PHYKPL: variants seen among roughly 807,000 people sequenced by gnomAD.
PHYKPL encodes 5-phosphohydroxy-L-lysine phospho-lyase.
A neutral mutation model predicts 51.3 loss-of-function variants in PHYKPL; 42 were observed. The ratio of observed to expected loss-of-function variants is 0.82; its 90% CI spans 0.64 to 1.06. PHYKPL has a LOEUF of 1.06. PHYKPL is among the 50% of genes least tolerant of loss of function. The pLI, the probability that PHYKPL is intolerant of heterozygous loss-of-function variation, is 0.00. For synonymous variants in PHYKPL, 264 were observed against 236.0 expected (o/e 1.12, Z -1.09); for missense variants, 655 against 586.6 (o/e 1.12, Z -1.20).
At chr5:178,214,314 C>CT (rs1285157469) in intron 10 of PHYKPL, among the ~76,000 whole-genome samples, 1 of 152,104 alleles carries the variant, frequency 6.6e-6, no homozygotes, top group Non-Finnish European at 1.5e-5. Context: ...CCGGTGGAGT[C>CT]TGAGTTCTGA....
chr5:178,210,731 A>ATGT, intron 12 of PHYKPL: 1 of 812,370 alleles, frequency 1.2e-6, no homozygotes, highest in Non-Finnish European at 2.1e-6. Context: ...TGCCTGTCCC[A>ATGT]TGTGCATCTT....
intron 10 of PHYKPL, among the ~76,000 whole-genome samples, chr5:178,213,505 C>T (rs914683319): frequency 5.6e-5 from 8 of 141,668 alleles, no homozygotes; most frequent in Non-Finnish European, 5.9e-5. Flanking sequence ...ATGAGCTCCA[C>T]GTGCCCCTCA....
chr5:178,214,863 C>T lies in PHYKPL; in HGVS notation c.1105G>A (p.Val369Met), dbSNP rs762330994. Residue 369 changes from valine to methionine, a missense_variant, in exon 10 of 13, where the codon GTG becomes ATG. Val to Met is a conservative substitution (Grantham distance 21). Transcript: ENST00000308158. ...DVRGVGLFIGVDLIKDEATRT... is the reference protein window; with the variant it reads ...DVRGVGLFIGMDLIKDEATRT... Reference sequence around the variant, plus strand: ...GTGGCCTCATCTTTGATCAGATCCACACCAATGAAGAGCCCAACACCCCTG... The same window carrying T: ...GTGGCCTCATCTTTGATCAGATCCATACCAATGAAGAGCCCAACACCCCTG... The T allele has an allele frequency of 1.4e-5, 23 of 1,613,650 alleles. No individual in the cohort carries two copies. Among genetic ancestry groups the T allele is most frequent in the South Asian group, 3.3e-5 (3 of 91,054 alleles).
chr5:178,223,037 T>C, intron 6 of PHYKPL, 103 bp from the exon 7 acceptor site: 2 of 1,088,646 alleles, frequency 1.8e-6, no homozygotes, highest in South Asian at 1.4e-5. Context: ...CAAGTCACCA[T>C]CAGTGCTGCA....
At chr5:178,210,441 A>G in intron 12 of PHYKPL, 3 of 1,505,954 alleles carry the variant, frequency 2.0e-6, no homozygotes, top group Non-Finnish European at 2.7e-6. Flanking sequence ...AACATGAGGA[A>G]GGCAGTCTCT....
At chr5:178,229,828 G>T (rs1763020393) in intron 3 of PHYKPL, 112 bp downstream of exon 3, 2 of 1,372,972 alleles carry the variant, frequency 1.5e-6, no homozygotes, top group Non-Finnish European at 2.0e-6. Flanking sequence ...GTGCAGTGGG[G>T]GCTGCCTCTC....
At chr5:178,220,409 T>G (rs1488862293) in intron 8 of PHYKPL, among the ~76,000 whole-genome samples, 1 of 149,910 alleles carries the variant, frequency 6.7e-6, no homozygotes, top group African/African-American at 2.5e-5. Flanking sequence ...GCAGGAGAGT[T>G]GCTTGAACCC....
At chr5:178,217,307 G>A (rs1221628251) in intron 8 of PHYKPL, among the ~76,000 whole-genome samples, 3 of 150,386 alleles carry the variant, frequency 2.0e-5, no homozygotes, top group African/African-American at 2.5e-5. Flanking sequence ...TGCAGCTGCC[G>A]CCTCCCAGGT....
In PHYKPL at chr5:178,218,216, CA is replaced by C. The variant is rs777929826; in HGVS notation, c.928-2787del. 3.7e-3 allele frequency among the ~76,000 whole-genome samples: 214 copies of C among 58,286 alleles called. 2 individuals are homozygous for C. In the East Asian group the frequency reaches 0.068, roughly 19 times the overall value. 38.2% of individuals were successfully genotyped at this position (58,286 alleles called of 152,430 possible). ...TGGGTGACAGAGCGAAACTCCGTCT[CA>C]AAAAAAAAAAAAAAAAAAAAAGAAA... On this transcript the variant is annotated intron_variant, in intron 8 of 12. Transcript: ENST00000308158.
intron 1 of PHYKPL, 65 bp downstream of exon 1, chr5:178,232,427 T>G (rs905222720): frequency 5.9e-6 from 8 of 1,365,496 alleles, no homozygotes; most frequent in Non-Finnish European, 7.5e-6. Context: ...CGTGCGTGCG[T>G]CGTGCGTGCG....
intron 12 of PHYKPL, chr5:178,209,542 G>A: frequency 2.8e-6 from 3 of 1,061,104 alleles, no homozygotes; most frequent in Non-Finnish European, 4.3e-6. Flanking sequence ...TGTGCAGCAG[G>A]GGTGGGCAGA....
chr5:178,228,931 C>T (rs2913865), intron 3 of PHYKPL, among the ~76,000 whole-genome samples: 18,597 of 152,042 alleles, frequency 0.12, 1,151 homozygotes, highest in Middle Eastern at 0.21. Flanking sequence ...GCGGAGAAGG[C>T]CCTAGGTGAT....
At position 178,230,146 on chromosome 5, in the gene PHYKPL, T is replaced by G. The variant is rs765473867; in HGVS notation, c.179-47A>C. On this transcript the variant is annotated intron_variant, in intron 2 of 12. Coordinates refer to ENST00000308158, the MANE Select transcript of PHYKPL (RefSeq NM_153373.4). ...CACACGGCTGGCTCCACTCAGCCAGTCCCACTGGGCCTCCCCCAGCCCCAA... is the reference window on the plus strand; with the variant it reads ...CACACGGCTGGCTCCACTCAGCCAGGCCCACTGGGCCTCCCCCAGCCCCAA... The G allele has an allele frequency of 6.2e-6, 10 of 1,606,804 alleles. No individual in the cohort carries two copies. The East Asian group carries it at 1.6e-4, about 25-fold the overall frequency.
intron 6 of PHYKPL, 97 bp downstream of exon 6, chr5:178,224,351 G>T (rs998244697): frequency 2.3e-6 from 3 of 1,299,608 alleles, no homozygotes; most frequent in Non-Finnish European, 3.2e-6. Context: ...GGCCTCGTTT[G>T]GTTTTCTCTC....
At chr5:178,214,000 C>T (rs996129931) in intron 10 of PHYKPL, among the ~76,000 whole-genome samples, 6 of 152,168 alleles carry the variant, frequency 3.9e-5, no homozygotes, top group Admixed American at 1.3e-4. Flanking sequence ...CTGACCATTC[C>T]GAATCCCTGA....
intron 3 of PHYKPL, chr5:178,228,347 C>T (rs770281014): frequency 5.7e-5 from 33 of 582,250 alleles, no homozygotes; most frequent in Admixed American, 2.4e-4. Context: ...AGACCACTTC[C>T]GGAGAGTGGT....
intron 12 of PHYKPL, 31 bp from the exon 13 acceptor site, chr5:178,208,946 T>G: frequency 5.9e-6 from 1 of 169,164 alleles, no homozygotes; most frequent in Non-Finnish European, 1.3e-5. Flanking sequence ...TAAAACCTCA[T>G]TGTCTAAGGC....
intron 12 of PHYKPL, chr5:178,209,259 G>GT: frequency 8.6e-7 from 1 of 1,167,546 alleles, no homozygotes. Context: ...GTTTGTCGCA[G>GT]TGAAGGTGTT....
At chr5:178,217,677 T>G (rs1472145540) in intron 8 of PHYKPL, among the ~76,000 whole-genome samples, 2 of 146,794 alleles carry the variant, frequency 1.4e-5, no homozygotes, top group African/African-American at 2.5e-5. Flanking sequence ...GCTAACATGG[T>G]GAAACCCCGT....
Sources: gnomAD v4.1 joint callset for allele counts (sites outside exome capture counted in the v4.1 genomes callset) on GRCh38, gnomAD v4.1.1 for gene constraint, MANE v1.5 for transcripts, NCBI Gene and HGNC (gene_info 2026-07-23, HGNC 2026-07-21) for gene names.